Variants in TMX2 observed in about 807,000 individuals in gnomAD.
TMX2 encodes the protein thioredoxin-related transmembrane protein 2.
TMX2 carries 20 observed loss-of-function variants against 33.4 expected under a neutral mutation model. The observed-to-expected ratio is 0.60, with a 90% CI of 0.42 to 0.87. The LOEUF (loss-of-function observed/expected upper bound fraction) is 0.87, where lower values mean the gene tolerates loss of function less well. Among genes scored for constraint, TMX2 ranks in the 40% least tolerant of loss-of-function variants. TMX2 has a pLI of 0.00. For missense variants in TMX2, 340 were observed against 370.7 expected, an observed-to-expected ratio of 0.92 and a Z score of 0.68; for synonymous variants, 166 against 140.7, an observed-to-expected ratio of 1.18 and a Z score of -1.27.
chr11:57,738,081 C>A, intron 3 of TMX2, 55 bp downstream of exon 3: 1 of 1,412,518 alleles, frequency 7.1e-7, no homozygotes, highest in Non-Finnish European at 9.7e-7. Context: ...TGTTGATAGA[C>A]TTGATTGTGG....
intron 1 of TMX2, among the ~76,000 whole-genome samples, chr11:57,716,020 C>A (rs1191691408): frequency 2.6e-5 from 4 of 152,204 alleles, no homozygotes; most frequent in Non-Finnish European, 5.9e-5. Context: ...ATTTTTCAAT[C>A]TTTTCCCCAC....
Position 57,737,993 on chromosome 11 carries a change from C to T in TMX2, c.331C>T (p.Arg111Cys), listed in dbSNP as rs375390370. 17 of 1,613,606 alleles carry T rather than the reference C, an allele frequency of 1.1e-5. No homozygotes were observed. Among genetic ancestry groups the T allele is most frequent in the Middle Eastern group, 1.6e-4 (1 of 6,082 alleles). The change falls in exon 3 of 8, where the codon CGC becomes TGC. Residue 111 changes from arginine to cysteine, a missense_variant. This residue lies in a region of TMX2 where 209 missense variants were observed against 241.6 expected (regional missense o/e 0.87). Transcript: ENST00000278422. ...NTILFFRLDI[R>C]MGLLYITLCI... ...AATTCTTTTCTTCCGCTTGGATATT[C>T]GCATGGGCCTACTTTACATCACACT...
chr11:57,739,283 G>A (rs1948939165), intron 7 of TMX2, 23 bp downstream of exon 7: 1 of 1,613,772 alleles, frequency 6.2e-7, no homozygotes. Context: ...AAGGGCAGGT[G>A]CATGAAGGGT....
chr11:57,723,005 G>T (rs967913140), intron 1 of TMX2, among the ~76,000 whole-genome samples: 3 of 152,136 alleles, frequency 2.0e-5, no homozygotes, highest in Non-Finnish European at 2.9e-5. Flanking sequence ...CAGCTACTTG[G>T]GAGGCTGAGG....
chr11:57,728,250 C>G (rs1023037535), intron 1 of TMX2, among the ~76,000 whole-genome samples: 2 of 152,142 alleles, frequency 1.3e-5, no homozygotes, highest in African/African-American at 4.8e-5. Context: ...GCAAGCTCCG[C>G]CTTCCGGGTT....
chr11:57,716,988 G>A (rs1947149320), intron 1 of TMX2, among the ~76,000 whole-genome samples: 1 of 151,294 alleles, frequency 6.6e-6, no homozygotes, highest in African/African-American at 2.4e-5. Flanking sequence ...TTCTCAGACG[G>A]GGCGGCTGGG....
chr11:57,723,434 G>A (rs1363273932), intron 1 of TMX2, among the ~76,000 whole-genome samples: 5 of 149,088 alleles, frequency 3.4e-5, no homozygotes, highest in Admixed American at 6.8e-5. Context: ...AGTGAGCCGG[G>A]ATTGTGCCAT....
rs1397761964 is a variant in TMX2 at position 57,712,622 on chromosome 11, G to A, written c.4G>A (p.Ala2Thr). The A allele has an allele frequency of 1.2e-6, 2 of 1,610,468 alleles. No individual in the cohort carries two copies. The highest frequency in any genetic ancestry group is 1.7e-6 in the Non-Finnish European group (2 of 1,177,588). MAVLAPLIALVY... is the reference protein window; with the variant it reads MTVLAPLIALVY... Reference sequence around the variant, plus strand: ...AGTGGCCGTTACGGCCGAAAAGATGGCGGTCTTGGCACCTCTAATTGCTCT... The same window carrying A: ...AGTGGCCGTTACGGCCGAAAAGATGACGGTCTTGGCACCTCTAATTGCTCT... The change falls in exon 1 of 8, where the codon GCG becomes ACG. Residue 2 changes from alanine (A) to threonine (T), a missense_variant. Around this residue, in one of 3 missense-constraint regions of TMX2, gnomAD observed 106 missense variants for 82.7 expected, o/e 1.28. Coordinates refer to ENST00000278422, the MANE Select transcript of TMX2 (RefSeq NM_015959.4).
chr11:57,717,488 G>T (rs1378919210), intron 1 of TMX2, among the ~76,000 whole-genome samples: 1 of 152,034 alleles, frequency 6.6e-6, no homozygotes, highest in African/African-American at 2.4e-5. Flanking sequence ...ATCACTCGCG[G>T]TTAGGAGCTG....
chr11:57,724,539 G>A (rs1454275911), intron 1 of TMX2, among the ~76,000 whole-genome samples: 1 of 151,450 alleles, frequency 6.6e-6, no homozygotes, highest in East Asian at 1.9e-4. Flanking sequence ...GTCCCTCATA[G>A]GTCTTACAGA....
intron 1 of TMX2, among the ~76,000 whole-genome samples, chr11:57,722,311 GAATTTTTTT>G (rs1947688959): frequency 2.6e-5 from 4 of 151,996 alleles, no homozygotes; most frequent in African/African-American, 7.3e-5. Flanking sequence ...TTCAGTGAAG[GAATTTTTTT>G]AAAAGGAGAA....
At chr11:57,723,843 G>T (rs1249006172) in intron 1 of TMX2, among the ~76,000 whole-genome samples, 3 of 111,430 alleles carry the variant, frequency 2.7e-5, no homozygotes, top group East Asian at 4.3e-4. Context: ...AATAAGCTAA[G>T]AGTTGCTTTA....
At chr11:57,718,583 T>G (rs1015938315) in intron 1 of TMX2, 1 of 591,856 alleles carries the variant, frequency 1.7e-6, no homozygotes, top group Admixed American at 2.6e-5. Context: ...TTGCCCAACT[T>G]TTTATATCTG....
intron 1 of TMX2, among the ~76,000 whole-genome samples, chr11:57,730,898 G>C (rs1479337812): frequency 6.6e-6 from 1 of 151,998 alleles, no homozygotes; most frequent in Non-Finnish European, 1.5e-5. Context: ...ATTTTTAAAG[G>C]GGTTGTATAA....
In TMX2 at chr11:57,712,667, C is replaced by G; in HGVS notation, c.49C>G (p.Leu17Val). The G allele has an allele frequency of 6.2e-7, 1 of 1,614,212 alleles. No homozygotes were observed. The highest frequency in any genetic ancestry group is 8.5e-7 in the Non-Finnish European group (1 of 1,180,038). The change falls in exon 1 of 8, where the codon CTT (leucine) becomes GTT (valine). Residue 17 changes from leucine to valine, a missense_variant. By Grantham distance (32) the Leu-to-Val change is conservative. Transcript: ENST00000278422. ...TGCTCTCGTGTATTCGGTGCCGCGA[C>G]TTTCACGATGGCTCGCCCAACCTTA... ...LIALVYSVPR[L>V]SRWLAQPYYL...
chr11:57,715,355 C>T (rs1285471239), intron 1 of TMX2, among the ~76,000 whole-genome samples: 1 of 151,876 alleles, frequency 6.6e-6, no homozygotes, highest in African/African-American at 2.4e-5. Flanking sequence ...GAGCCAGGAT[C>T]GTGCCATTGC....
At chr11:57,717,248 G>A (rs1293733144) in intron 1 of TMX2, among the ~76,000 whole-genome samples, 1 of 148,658 alleles carries the variant, frequency 6.7e-6, no homozygotes, top group Non-Finnish European at 1.5e-5. Context: ...GGCTCTTCAC[G>A]TCCCAGACGA....
chr11:57,729,878 A>T (rs1948246956), intron 1 of TMX2, among the ~76,000 whole-genome samples: 1 of 150,764 alleles, frequency 6.6e-6, no homozygotes, highest in African/African-American at 2.4e-5. Flanking sequence ...GGAGGCCGAG[A>T]CAGGTTGGAT....
chr11:57,727,923 A>ATTT (rs1342467465), intron 1 of TMX2, among the ~76,000 whole-genome samples: 1 of 152,076 alleles, frequency 6.6e-6, no homozygotes, highest in Admixed American at 6.5e-5. Context: ...AACTCAACCA[A>ATTT]TTGTCTGCCA....
Sources: gnomAD v4.1 joint callset for allele counts (sites outside exome capture counted in the v4.1 genomes callset) on GRCh38, gnomAD v4.1.1 for gene constraint, gnomAD v4.1.1 regional missense constraint, MANE v1.5 for transcripts, NCBI Gene and HGNC (gene_info 2026-07-23, HGNC 2026-07-21) for gene names.